PISD: variants seen among roughly 807,000 people sequenced by gnomAD.
PISD encodes phosphatidylserine decarboxylase proenzyme, mitochondrial.
PISD carries 31 observed loss-of-function variants against 43.5 expected under a neutral mutation model. That is an observed-to-expected ratio of 0.71 (90% confidence interval 0.54 to 0.96). The LOEUF (loss-of-function observed/expected upper bound fraction) is 0.96. PISD is among the 40% of genes least tolerant of loss of function. PISD has a pLI of 0.00. For missense variants in PISD, 523 were observed against 548.4 expected (o/e 0.95, Z 0.46); for synonymous variants, 259 against 228.7 (o/e 1.13, Z -1.20).
intron 1 of PISD, among the ~76,000 whole-genome samples, chr22:31,655,124 A>C (rs1197149447): frequency 6.6e-6 from 1 of 151,148 alleles, no homozygotes; most frequent in East Asian, 1.9e-4. Flanking sequence ...TGGGTCCCTG[A>C]ACATTGCTTG....
chr22:31,620,314 G>A (rs1486755194), intron 7 of PISD, among the ~76,000 whole-genome samples: 1 of 152,220 alleles, frequency 6.6e-6, no homozygotes, highest in Admixed American at 6.5e-5. Flanking sequence ...AGGCAAGGAG[G>A]TTAATTCCCT....
At chr22:31,625,922 C>T (rs1157259805) in intron 3 of PISD, 23 of 1,528,234 alleles carry the variant, frequency 1.5e-5, no homozygotes, top group Non-Finnish European at 1.9e-5. Flanking sequence ...GTCACTGCTC[C>T]AGGGCCTCTG....
intron 3 of PISD, among the ~76,000 whole-genome samples, chr22:31,642,159 C>T (rs1247762133): frequency 6.6e-6 from 1 of 151,280 alleles, no homozygotes; most frequent in African/African-American, 2.5e-5. Context: ...GCGCCTGTCA[C>T]CACTGAGGAA....
chr22:31,638,104 A>T (rs571030976), intron 3 of PISD, among the ~76,000 whole-genome samples: 1 of 152,304 alleles, frequency 6.6e-6, no homozygotes, highest in Non-Finnish European at 1.5e-5. Context: ...GTGGCCACTC[A>T]GGCAGATGTA....
chr22:31,625,480 G>T, intron 3 of PISD: 1 of 559,374 alleles, frequency 1.8e-6, no homozygotes, highest in Admixed American at 3.1e-5. Context: ...CGAGCAGGGG[G>T]CCTGGGAGCA....
intron 3 of PISD, 119 bp downstream of exon 3, chr22:31,647,982 A>T: frequency 1.2e-6 from 1 of 856,398 alleles, no homozygotes; most frequent in Non-Finnish European, 1.8e-6. Context: ...CCTACTGGAG[A>T]CATGAGTTCC....
chr22:31,638,743 T>G, intron 3 of PISD: 5 of 370,358 alleles, frequency 1.4e-5, no homozygotes, highest in South Asian at 1.1e-4. Flanking sequence ...TGCCTCAGCC[T>G]CTCAGGCAGC....
intron 2 of PISD, among the ~76,000 whole-genome samples, chr22:31,649,077 A>G (rs2073963955): frequency 6.6e-6 from 1 of 152,100 alleles, no homozygotes; most frequent in Non-Finnish European, 1.5e-5. Context: ...ACAAATAGCC[A>G]GGCACAGCGG....
At chr22:31,638,742 C>G in intron 3 of PISD, 4 of 376,100 alleles carry the variant, frequency 1.1e-5, no homozygotes, top group South Asian at 1.1e-4. Flanking sequence ...CTGCCTCAGC[C>G]TCTCAGGCAG....
At chr22:31,642,747 A>T in intron 3 of PISD, among the ~76,000 whole-genome samples, 1 of 148,296 alleles carries the variant, frequency 6.7e-6, no homozygotes, top group Non-Finnish European at 1.5e-5. Context: ...GTGAGCGAAG[A>T]TCACGCCACT....
At chr22:31,633,322 T>C (rs112019579) in intron 3 of PISD, among the ~76,000 whole-genome samples, 1 of 152,190 alleles carries the variant, frequency 6.6e-6, no homozygotes, top group African/African-American at 2.4e-5. Context: ...ATCTCTGGGA[T>C]TCTCACACTC....
Position 31,630,546 on chromosome 22 carries a change from T to C in PISD, c.322-8661A>G, listed in dbSNP as rs1018021888. The C allele has an allele frequency of 5.4e-6, 1 of 185,554 alleles. No individual in the cohort carries two copies. Among genetic ancestry groups the C allele is most frequent in the Admixed American group, 6.5e-5 (1 of 15,310 alleles). 11.5% of individuals were successfully genotyped at this position (185,554 alleles called of 1,614,324 possible). The stretch of plus-strand genomic sequence containing the variant: ...CCCGCGCCCGGCAGGAGATAAGATG[T>C]GGAGGAAGTGAGCTCACGCAGCCCG... On this transcript the variant is annotated intron_variant, in intron 3 of 7. Transcript: ENST00000439502. This position sits in a 1 kb window ranked among gnomAD's most constrained non-coding sequence, Gnocchi z 4.4.
At position 31,621,788 on chromosome 22, in the gene PISD, T is replaced by C. The variant is rs1480151354; in HGVS notation, c.419A>G (p.Tyr140Cys). The C allele has an allele frequency of 6.2e-7, 1 of 1,613,970 alleles. No individual in the cohort carries two copies. The highest frequency in any genetic ancestry group is 1.1e-5 in the South Asian group (1 of 91,084). Residue 140 changes from tyrosine to cysteine, a missense_variant, in exon 4 of 8, where the codon TAC becomes TGC. Transcript: ENST00000439502. ...ELPHWLRRPV[Y>C]SLYIWTFGVN... ...CCCAAACGTCCAGATGTACAGGCTG[T>C]AGACGGGCCTGCGCAGCCAGTGTGG...
rs752381061 is a variant in PISD at position 31,621,464 on chromosome 22, T to C, written c.567A>G (p.Pro189=). ...PVCGLHSVIS[P]SDGRILNFGQ... The stretch of plus-strand genomic sequence containing the variant: ...CAAAGTTGAGGATCCTTCCATCCGA[T>C]GGGCTAATCTGGAAGGGCAGGAGAG... The change falls in exon 5 of 8, where the codon CCA becomes CCG. Residue 189 remains proline, a synonymous_variant. Transcript: ENST00000439502. 1.9e-6 allele frequency: 3 copies of C among 1,613,962 alleles called. No individual in the cohort carries two copies. The highest frequency in any genetic ancestry group is 1.1e-5 in the South Asian group (1 of 91,088).
At chr22:31,651,809 C>G (rs1290651832) in intron 1 of PISD, among the ~76,000 whole-genome samples, 1 of 152,106 alleles carries the variant, frequency 6.6e-6, no homozygotes, top group African/African-American at 2.4e-5. Context: ...TCATCTTTGC[C>G]TGAAGAAATA....
intron 3 of PISD, among the ~76,000 whole-genome samples, chr22:31,628,620 A>G (rs901533200): frequency 6.6e-6 from 1 of 152,220 alleles, no homozygotes; most frequent in Non-Finnish European, 1.5e-5. Context: ...GGTCACTGCA[A>G]TCCTGGCTGC....
At chr22:31,635,315 T>C (rs2073394949) in intron 3 of PISD, among the ~76,000 whole-genome samples, 1 of 152,162 alleles carries the variant, frequency 6.6e-6, no homozygotes, top group Admixed American at 6.6e-5. Flanking sequence ...CCATGTCTTT[T>C]TTTTGGAGAC....
intron 3 of PISD, among the ~76,000 whole-genome samples, chr22:31,634,136 T>C (rs549637161): frequency 6.6e-6 from 1 of 152,256 alleles, no homozygotes; most frequent in African/African-American, 2.4e-5. Context: ...GGATGCCCTG[T>C]GCCAGGGAAC....
chr22:31,656,171 C>T lies in PISD; in HGVS notation c.66-5393G>A, dbSNP rs996012708. On this transcript the variant is annotated intron_variant, in intron 1 of 7. Transcript: ENST00000439502. ...CTAGCCAGCCAATATGGTGAAACCC[C>T]GTCTCTACTAAAAATACAAAAAATT... 7.9e-5 allele frequency among the ~76,000 whole-genome samples: 12 copies of T among 151,892 alleles called. 1 individual carries two copies. The highest frequency in any genetic ancestry group is 6.6e-4 in the Admixed American group (10 of 15,228).
Sources: allele counts gnomAD v4.1 joint callset (sites outside exome capture counted in the v4.1 genomes callset), GRCh38; gene constraint gnomAD v4.1.1; non-coding constraint Gnocchi (gnomAD v3.1); transcripts MANE v1.5; gene names NCBI Gene and HGNC (gene_info 2026-07-23, HGNC 2026-07-21).